NDRG1: variants seen among roughly 807,000 people sequenced by gnomAD.
NDRG1 encodes N-myc downstream regulated 1, also known as protein NDRG1.
A neutral mutation model predicts 56.9 loss-of-function variants in NDRG1; 32 were observed. That is an observed-to-expected ratio of 0.56 (90% CI 0.42 to 0.76). The LOEUF (loss-of-function observed/expected upper bound fraction) is 0.76. Ranked by LOEUF, NDRG1 falls within the 30% of genes least tolerant of loss-of-function variation. The probability of loss-of-function intolerance (pLI) is 0.00; values close to 1 mark genes in which losing one functional copy is unlikely to be tolerated. For synonymous variants in NDRG1, 211 were observed against 204.1 expected (o/e 1.03, Z -0.29); for missense variants, 507 against 545.7 (o/e 0.93, Z 0.71).
intron 1 of NDRG1, among the ~76,000 whole-genome samples, chr8:133,293,895 C>T (rs867401692): frequency 2.6e-5 from 4 of 152,220 alleles, no homozygotes; most frequent in African/African-American, 9.7e-5. Flanking sequence ...CAAGCATTTG[C>T]AGGCACTTTC....
chr8:133,292,544 G>C (rs1858488757), intron 1 of NDRG1, among the ~76,000 whole-genome samples: 3 of 152,160 alleles, frequency 2.0e-5, no homozygotes, highest in Admixed American at 2.0e-4. Context: ...GGAGAAAGGA[G>C]GAGAGTTCCA....
Position 133,246,592 on chromosome 8 carries a change from G to C in NDRG1, c.855+24C>G, listed in dbSNP as rs199928064. ...AGAGTTTCTAAGAAATAACAAACAC[G>C]AACCCCCACTGTTTTCCCTGTACCT... On this transcript the variant is annotated intron_variant, in intron 13 of 15. Coordinates refer to ENST00000323851, the MANE Select transcript of NDRG1 (RefSeq NM_006096.4). 3.1e-6 allele frequency: 5 copies of C among 1,613,370 alleles called. No individual in the cohort carries two copies. The African/African-American group carries it at 6.7e-5, about 22-fold the overall frequency.
intron 15 of NDRG1, 36 bp downstream of exon 15, chr8:133,241,987 C>A: frequency 1.2e-6 from 2 of 1,612,900 alleles, no homozygotes; most frequent in Non-Finnish European, 1.7e-6. Flanking sequence ...CCGACACATG[C>A]CCCGACCCAC....
At chr8:133,256,650 A>G (rs761875232) in intron 8 of NDRG1, 127 bp downstream of exon 8, 6 of 832,342 alleles carry the variant, frequency 7.2e-6, no homozygotes, top group Non-Finnish European at 9.9e-6. Context: ...TGGAGTGGGC[A>G]GTAGAGGGTA....
In NDRG1 at chr8:133,250,577, C is replaced by G. The variant is rs368956082; in HGVS notation, c.595-34G>C. 56 of 1,562,262 alleles carry G rather than the reference C, an allele frequency of 3.6e-5. No individual in the cohort carries two copies. The African/African-American group carries it at 6.8e-4, about 19-fold the overall frequency. ...AGAGAGGTGAGAAGATGGTCCTCAT[C>G]GCACTGTGGCCCTGAGCTGGTCACT... is the stretch of plus-strand genomic sequence containing the variant. On this transcript the variant is annotated intron_variant, in intron 9 of 15. Coordinates refer to ENST00000323851, the MANE Select transcript of NDRG1 (RefSeq NM_006096.4).
At chr8:133,243,142 C>T (rs559206537) in intron 14 of NDRG1, among the ~76,000 whole-genome samples, 3 of 152,336 alleles carry the variant, frequency 2.0e-5, no homozygotes, top group Admixed American at 6.5e-5. Context: ...GGGCTGACCC[C>T]CCTCCCTGCT....
At chr8:133,243,800 T>A (rs1218364657) in intron 14 of NDRG1, among the ~76,000 whole-genome samples, 1 of 152,136 alleles carries the variant, frequency 6.6e-6, no homozygotes, top group Non-Finnish European at 1.5e-5. Context: ...AAATTAAAAG[T>A]TTACTTGTTA....
At position 133,238,886 on chromosome 8, in the gene NDRG1, A is replaced by G. The variant is rs756758815; in HGVS notation, c.1177T>C (p.Ser393Pro). Reference sequence around the variant, plus strand: ...GCAGCTGGGCAGGCCGCCTAGCAGGAGACCTCCATGGACTTGGGCCCGGCG... The same window carrying G: ...GCAGCTGGGCAGGCCGCCTAGCAGGGGACCTCCATGGACTTGGGCCCGGCG... Reference protein sequence around the residue: ...NSAGPKSMEVSC With the variant: ...NSAGPKSMEVPC Residue 393 changes from serine to proline, a missense_variant, in exon 16 of 16, where the codon TCC (serine) becomes CCC (proline). Coordinates refer to ENST00000323851, the MANE Select transcript of NDRG1 (RefSeq NM_006096.4). 7 of 1,554,918 alleles carry G rather than the reference A, an allele frequency of 4.5e-6. No individual in the cohort carries two copies. The highest frequency in any genetic ancestry group is 6.1e-6 in the Non-Finnish European group (7 of 1,150,346).
intron 8 of NDRG1, chr8:133,255,519 T>C (rs3824240): frequency 0.13 from 51,406 of 380,788 alleles, 3,982 homozygotes; most frequent in Middle Eastern, 0.19. Context: ...CCCCAGACCT[T>C]CGAGTCTCAC....
intron 5 of NDRG1, among the ~76,000 whole-genome samples, chr8:133,260,382 C>G (rs892041938): frequency 6.6e-6 from 1 of 152,208 alleles, no homozygotes; most frequent in African/African-American, 2.4e-5. Flanking sequence ...CTGCCCTACT[C>G]CAGGAGGAAG....
chr8:133,260,038 C>T (rs1214203134), intron 5 of NDRG1, among the ~76,000 whole-genome samples: 2 of 152,176 alleles, frequency 1.3e-5, no homozygotes, highest in Non-Finnish European at 2.9e-5. Flanking sequence ...GCTGAGAAGC[C>T]GCAGGGCAGA....
chr8:133,273,121 G>T (rs1349216384), intron 3 of NDRG1, among the ~76,000 whole-genome samples: 1 of 151,862 alleles, frequency 6.6e-6, no homozygotes. Flanking sequence ...CCACACGGAG[G>T]CCCTGTGGGT....
At chr8:133,248,673 C>T (rs1021958657) in intron 11 of NDRG1, 42 bp downstream of exon 11, 25 of 1,611,732 alleles carry the variant, frequency 1.6e-5, no homozygotes, top group Non-Finnish European at 2.0e-5. Flanking sequence ...TTATAGTGGG[C>T]AGCCCCGACT....
chr8:133,296,656 C>T (rs1466235837), intron 1 of NDRG1: 1 of 421,240 alleles, frequency 2.4e-6, no homozygotes, highest in East Asian at 7.1e-5. Flanking sequence ...AACCCCTCAT[C>T]TACACACTCG....
intron 14 of NDRG1, among the ~76,000 whole-genome samples, 195 bp downstream of exon 14, chr8:133,244,160 G>A (rs547212131): frequency 6.6e-5 from 10 of 152,118 alleles, no homozygotes; most frequent in African/African-American, 2.2e-4. Flanking sequence ...TCTGTGAACC[G>A]CAGTATCACC....
intron 15 of NDRG1, chr8:133,240,517 C>G (rs1855319275): frequency 6.6e-6 from 1 of 152,228 alleles, no homozygotes; most frequent in South Asian, 2.1e-4. Context: ...GGGATGTCTA[C>G]TGAGCAGGAT....
rs1198885626 is a variant in NDRG1 at position 133,248,843 on chromosome 8, A to G, written c.699-72T>C. The G allele has an allele frequency of 3.2e-6, 5 of 1,572,966 alleles. No homozygotes were observed. The South Asian group carries it at 5.5e-5, about 17-fold the overall frequency. On this transcript the variant is annotated intron_variant, in intron 10 of 15. Transcript: ENST00000323851. ...GAAATCTCCCACTCCCATCCAGCCA[A>G]GCCCAGGAGGTCCTGCCAGTGGCCA...
At chr8:133,286,776 T>G (rs1429818527) in intron 1 of NDRG1, among the ~76,000 whole-genome samples, 8 of 152,186 alleles carry the variant, frequency 5.3e-5, no homozygotes, top group African/African-American at 1.4e-4. Context: ...CCCCAAATGA[T>G]TCCATTGATT....
chr8:133,279,829 G>A (rs1003198038), intron 3 of NDRG1, among the ~76,000 whole-genome samples: 8 of 152,166 alleles, frequency 5.3e-5, no homozygotes, highest in Non-Finnish European at 1.2e-4. Flanking sequence ...TTCAGTTCTG[G>A]GCCAGTAAAC....
Sources: allele counts gnomAD v4.1 joint callset (sites outside exome capture counted in the v4.1 genomes callset), GRCh38; gene constraint gnomAD v4.1.1; transcripts MANE v1.5; gene names NCBI Gene and HGNC (gene_info 2026-07-23, HGNC 2026-07-21).